Variants in CDC25B observed in about 807,000 individuals in gnomAD.
CDC25B encodes the protein cell division cycle 25B, also known as M-phase inducer phosphatase 2.
Under a neutral mutation model 69.8 loss-of-function variants are expected in CDC25B, and 33 were observed. The observed-to-expected ratio is 0.47, with a 90% CI of 0.36 to 0.63. The LOEUF is 0.63. Ranked by LOEUF, CDC25B falls within the 30% of genes least tolerant of loss-of-function variation. The probability of loss-of-function intolerance (pLI) is 0.00; values close to 1 mark genes in which losing one functional copy is unlikely to be tolerated. For missense variants in CDC25B, 727 were observed against 809.1 expected (o/e 0.90, Z 1.23); for synonymous variants, 341 against 314.6 (o/e 1.08, Z -0.89).
At chr20:3,793,698 A>C (rs1047582482), upstream of CDC25B, among the ~76,000 whole-genome samples, 19 of 148,980 alleles carry the variant, frequency 1.3e-4, no homozygotes, top group Non-Finnish European at 2.2e-4. Flanking sequence ...TGCTACACCC[A>C]TTAACTCGTC....
chr20:3,800,175 G>C (rs1278840597), intron 3 of CDC25B, 113 bp from the exon 4 acceptor site: 10 of 668,816 alleles, frequency 1.5e-5, no homozygotes, highest in Non-Finnish European at 2.3e-5. Flanking sequence ...CCACTGCCTT[G>C]AGCCTTGGCC....
intron 3 of CDC25B, among the ~76,000 whole-genome samples, chr20:3,798,893 CT>C (rs2089163191): frequency 1.3e-5 from 2 of 152,348 alleles, no homozygotes; most frequent in Non-Finnish European, 2.9e-5. Flanking sequence ...ACACAGTTGC[CT>C]GCAGATTGAT....
At chr20:3,788,404 G>A (rs76565344) in intron 1 of CDC25B, among the ~76,000 whole-genome samples, 3,520 of 152,258 alleles carry the variant, frequency 0.023, 143 homozygotes, top group African/African-American at 0.08. Flanking sequence ...AAAAGATCTT[G>A]TTAAGTATGT....
chr20:3,805,866 C>T lies in CDC25B; in HGVS notation c.*905C>T. The stretch of plus-strand genomic sequence containing the variant: ...ATGCGCAGTGCCTTGCATACCCAAA[C>T]CAGGTGGGAGCGTTTTGTTGAGCAT... On this transcript the variant is annotated 3_prime_UTR_variant, in exon 16 of 16. Transcript: ENST00000245960. 1 of 404,302 alleles carries T rather than the reference C, an allele frequency of 2.5e-6. No homozygotes were observed. The highest frequency in any genetic ancestry group is 4.4e-5 in the Admixed American group (1 of 22,788). 25.0% of individuals were successfully genotyped at this position (404,302 alleles called of 1,614,324 possible).
At position 3,796,673 on chromosome 20, in the gene CDC25B, G is replaced by T. The variant is rs1165375545; in HGVS notation, c.142G>T (p.Ala48Ser). 3 of 1,519,082 alleles carry T rather than the reference G, an allele frequency of 2.0e-6. No homozygotes were observed. Among genetic ancestry groups the T allele is most frequent in the South Asian group, 1.3e-5 (1 of 79,782 alleles). 94.1% of individuals were successfully genotyped at this position (1,519,082 alleles called of 1,614,324 possible). ...GLLGSPVRAAASSPVTTLTQT... is the reference protein window; with the variant it reads ...GLLGSPVRAASSSPVTTLTQT... ...CCTGGGGTCCCCGGTGCGGGCGGCC[G>T]CTTCCTCGCCGGTCACCACCCTCAC... Residue 48 changes from alanine (A) to serine (S), a missense_variant, in exon 1 of 16, where the codon GCT (alanine) becomes TCT (serine). Ala to Ser is a moderately conservative substitution (Grantham distance 99). This residue lies in a region of CDC25B where 368 missense variants were observed against 345.6 expected (regional missense o/e 1.06). Coordinates refer to ENST00000245960, the MANE Select transcript of CDC25B (RefSeq NM_021873.4).
chr20:3,803,355 C>G lies in CDC25B; in HGVS notation c.1357-49C>G, dbSNP rs1360554464. 6.2e-7 allele frequency: 1 copy of G among 1,613,238 alleles called. No individual in the cohort carries two copies. Among genetic ancestry groups the G allele is most frequent in the Admixed American group, 1.7e-5 (1 of 59,946 alleles). On this transcript the variant is annotated intron_variant, in intron 13 of 15. Coordinates refer to ENST00000245960, the MANE Select transcript of CDC25B (RefSeq NM_021873.4). This position sits in a 1 kb window ranked among gnomAD's most constrained non-coding sequence, Gnocchi z 4.9. ...AGGACAGCGACTGCACGGGGAGGGC[C>G]CTGACTCCTGGACCCGGGGCTGTGC...
At chr20:3,802,760 G>A (rs1044796262) in intron 11 of CDC25B, 150 bp from the exon 12 acceptor site, 7 of 662,718 alleles carry the variant, frequency 1.1e-5, no homozygotes, top group Non-Finnish European at 1.6e-5. Context: ...CCCAAGAGGT[G>A]CCTCTCAGTT....
chr20:3,800,203 T>TC (rs1176404905), intron 3 of CDC25B, 85 bp from the exon 4 acceptor site: 8 of 549,476 alleles, frequency 1.5e-5, no homozygotes, highest in African/African-American at 4.7e-5. Flanking sequence ...TTGCCCTTAC[T>TC]CCCCCCTGGA....
In CDC25B at chr20:3,796,494, CCCGGCCCTCCAGCCAGCCTTCTG is replaced by C; in HGVS notation, c.-30_-8del. 7.1e-7 allele frequency: 1 copy of C among 1,417,820 alleles called. No individual in the cohort carries two copies. 87.8% of individuals were successfully genotyped at this position (1,417,820 alleles called of 1,614,324 possible). ...GCCGGCGTTTGTTGGCTGCCCTGCGCCCGGCCCTCCAGCCAGCCTTCTGCCGGCCCCGCCGCGATGGAGGTGCC... is the reference window on the plus strand; with the variant it reads ...GCCGGCGTTTGTTGGCTGCCCTGCGCCCGGCCCCGCCGCGATGGAGGTGCC... On this transcript the variant is annotated 5_prime_UTR_variant, in exon 1 of 16. Transcript: ENST00000245960.
chr20:3,800,228 CTGGGGTGGGTGA>C, intron 3 of CDC25B, 48 bp from the exon 4 acceptor site: 4 of 1,548,496 alleles, frequency 2.6e-6, no homozygotes, highest in Non-Finnish European at 3.6e-6. Flanking sequence ...GGGCCTGGTG[CTGGGGTGGGTGA>C]TGGGTGCGGA....
At chr20:3,789,298 G>A (rs753356314) in intron 1 of CDC25B, among the ~76,000 whole-genome samples, 3 of 152,186 alleles carry the variant, frequency 2.0e-5, no homozygotes, top group Admixed American at 6.5e-5. Flanking sequence ...ACAGTTGCAC[G>A]ATCATAGTTC....
In CDC25B at chr20:3,801,394, C is replaced by T. The variant is rs1284653926; in HGVS notation, c.840+6C>T. ...TCCTAGAGAGTGACTTAAAGGTAAA[C>T]AGCCTTGTCCCACCAGGCCCCTACC... On this transcript the variant is annotated splice_donor_region_variant and intron_variant, in intron 8 of 15. Transcript: ENST00000245960. The T allele has an allele frequency of 1.9e-6, 3 of 1,602,210 alleles. No individual in the cohort carries two copies. The highest frequency in any genetic ancestry group is 1.3e-5 in the African/African-American group (1 of 74,566).
chr20:3,800,432 G>T, intron 4 of CDC25B, 30 bp from the exon 5 acceptor site: 1 of 1,614,064 alleles, frequency 6.2e-7, no homozygotes, highest in South Asian at 1.1e-5. Flanking sequence ...GCCTCTCCCA[G>T]CTCTCACCTG....
rs1178024295 is a variant in CDC25B, at chr20:3,797,761, G to A, written c.328+12G>A. 1 of 1,613,322 alleles carries A rather than the reference G, an allele frequency of 6.2e-7. No individual in the cohort carries two copies. The highest frequency in any genetic ancestry group is 1.7e-5 in the Admixed American group (1 of 60,002). ...ATCTTCTGATGCAGGTGAGGCCCAG[G>A]GGAGCCTGGGGAGATCTGCCTGTGT... On this transcript the variant is annotated intron_variant, in intron 2 of 15. Coordinates refer to ENST00000245960, the MANE Select transcript of CDC25B (RefSeq NM_021873.4).
intron 1 of CDC25B, among the ~76,000 whole-genome samples, chr20:3,788,766 CTTCT>C (rs1185032511): frequency 1.1e-4 from 17 of 151,162 alleles, no homozygotes; most frequent in South Asian, 2.1e-4. Flanking sequence ...CCTTCCTTCC[CTTCT>C]TTCTTTCTCT....
At chr20:3,801,145 G>T (rs1324456746) in intron 7 of CDC25B, 52 bp downstream of exon 7, 1 of 1,609,318 alleles carries the variant, frequency 6.2e-7, no homozygotes, top group Admixed American at 1.7e-5. Flanking sequence ...CAGCCTCGGA[G>T]AAGAGGAGGG....
chr20:3,804,931 G>A lies in CDC25B; in HGVS notation c.1713G>A (p.Arg571=), dbSNP rs2089426418. 3.1e-6 allele frequency: 5 copies of A among 1,613,376 alleles called. No individual in the cohort carries two copies. Among genetic ancestry groups the A allele is most frequent in the Admixed American group, 3.3e-5 (2 of 60,006 alleles). The change falls in exon 16 of 16, where the codon CGG becomes CGA. Residue 571 remains arginine (R), a synonymous_variant. Transcript: ENST00000245960. ...GCTGGGCTGGGGAGCGGAGCCGGCGGGAGCTCTGTAGCCGGCTGCAGGACC... is the reference window on the plus strand; with the variant it reads ...GCTGGGCTGGGGAGCGGAGCCGGCGAGAGCTCTGTAGCCGGCTGCAGGACC... ...TRSWAGERSR[R]ELCSRLQDQ
At position 3,804,792 on chromosome 20, in the gene CDC25B, C is replaced by T. The variant is rs1348230327; in HGVS notation, c.1603-29C>T. 5 of 1,612,926 alleles carry T rather than the reference C, an allele frequency of 3.1e-6. No individual in the cohort carries two copies. In the African/African-American group the frequency reaches 6.7e-5, roughly 22 times the overall value. ...GTCCCTGCCAAACTTACCCATTCCA[C>T]TGCATTGACCCCTCCTGTCCTGCCC... On this transcript the variant is annotated intron_variant, in intron 15 of 15. Transcript: ENST00000245960.
chr20:3,800,629 G>C (rs1176810231), intron 5 of CDC25B, 114 bp from the exon 6 acceptor site: 1 of 1,587,536 alleles, frequency 6.3e-7, no homozygotes. Flanking sequence ...GGGTTTCAGA[G>C]GTAGGTAGGT....
Sources: allele counts gnomAD v4.1 joint callset (sites outside exome capture counted in the v4.1 genomes callset), GRCh38; gene constraint gnomAD v4.1.1; regional missense constraint gnomAD v4.1.1; non-coding constraint Gnocchi (gnomAD v3.1); transcripts MANE v1.5; gene names NCBI Gene and HGNC (gene_info 2026-07-23, HGNC 2026-07-21).